MEGF9: variants seen among roughly 807,000 people sequenced by gnomAD.
MEGF9 encodes multiple epidermal growth factor-like domains protein 9.
A neutral mutation model predicts 46.8 loss-of-function variants in MEGF9; 6 were observed. The observed-to-expected ratio is 0.13, with a 90% confidence interval of 0.07 to 0.25. The LOEUF (loss-of-function observed/expected upper bound fraction) is 0.25. Among genes scored for constraint, MEGF9 ranks in the 10% least tolerant of loss-of-function variants. The pLI is 1.00. For missense variants in MEGF9, 683 were observed against 792.4 expected (o/e 0.86, Z 1.66); for synonymous variants, 302 against 330.7 (o/e 0.91, Z 0.94).
At chr9:120,691,467 C>A (rs184724281) in intron 1 of MEGF9, 44 of 469,004 alleles carry the variant, frequency 9.4e-5, no homozygotes, top group African/African-American at 7.7e-4. Context: ...CCACAGGCCA[C>A]TGATGCCCTG....
intron 1 of MEGF9, among the ~76,000 whole-genome samples, chr9:120,689,530 T>C (rs2043838977): frequency 6.6e-6 from 1 of 152,102 alleles, no homozygotes; most frequent in Middle Eastern, 3.2e-3. Context: ...AAGAGACTTT[T>C]TAGCAGCCTG....
intron 2 of MEGF9, among the ~76,000 whole-genome samples, chr9:120,642,863 G>T (rs1481874410): frequency 6.6e-6 from 1 of 152,216 alleles, no homozygotes; most frequent in Non-Finnish European, 1.5e-5. Context: ...TTGGCAATGT[G>T]AGAAACATGC....
At chr9:120,645,517 T>C (rs937109043) in intron 2 of MEGF9, among the ~76,000 whole-genome samples, 3 of 152,190 alleles carry the variant, frequency 2.0e-5, no homozygotes, top group Non-Finnish European at 4.4e-5. Flanking sequence ...GTAGGATTAG[T>C]GAACTGATCA....
intron 2 of MEGF9, among the ~76,000 whole-genome samples, chr9:120,631,951 T>TG (rs2043552560): frequency 6.6e-6 from 1 of 151,204 alleles, no homozygotes; most frequent in Non-Finnish European, 1.5e-5. Context: ...TTTTTTGAGA[T>TG]GGAGTCTCAC....
intron 2 of MEGF9, among the ~76,000 whole-genome samples, chr9:120,658,613 T>A (rs1018621214): frequency 6.6e-6 from 1 of 152,112 alleles, no homozygotes; most frequent in Non-Finnish European, 1.5e-5. Flanking sequence ...AGATCTTGGG[T>A]TATACCCAGG....
intron 2 of MEGF9, among the ~76,000 whole-genome samples, chr9:120,638,276 G>A (rs143246805): frequency 3.9e-5 from 6 of 152,294 alleles, no homozygotes; most frequent in Non-Finnish European, 7.3e-5. Context: ...ACAGGCATGG[G>A]CCACCACACC....
At chr9:120,637,437 T>TA (rs1177150963) in intron 2 of MEGF9, among the ~76,000 whole-genome samples, 5 of 147,762 alleles carry the variant, frequency 3.4e-5, no homozygotes, top group Admixed American at 6.8e-5. Flanking sequence ...AAAAAAAGTT[T>TA]AAAAAAAAAG....
At chr9:120,665,931 C>T (rs945509210) in intron 1 of MEGF9, among the ~76,000 whole-genome samples, 1 of 152,034 alleles carries the variant, frequency 6.6e-6, no homozygotes, top group Non-Finnish European at 1.5e-5. Context: ...TTTCTGGATT[C>T]TCTGTTCTGT....
At chr9:120,622,517 C>A in intron 3 of MEGF9, 99 bp downstream of exon 3, 1 of 1,304,720 alleles carries the variant, frequency 7.7e-7, no homozygotes, top group Non-Finnish European at 1.0e-6. Flanking sequence ...GATAAAGGCC[C>A]TTCCAAACTA....
chr9:120,609,615 CCTAT>C (rs1266032626), intron 4 of MEGF9, among the ~76,000 whole-genome samples: 3 of 152,108 alleles, frequency 2.0e-5, no homozygotes, highest in East Asian at 1.9e-4. Context: ...ACAACTCATA[CCTAT>C]CTGTTTCCTT....
intron 1 of MEGF9, among the ~76,000 whole-genome samples, chr9:120,673,339 T>C (rs1280407186): frequency 6.6e-6 from 1 of 152,062 alleles, no homozygotes; most frequent in Non-Finnish European, 1.5e-5. Flanking sequence ...GATTCTAAAA[T>C]ATATGTGAAA....
At chr9:120,711,704 T>A (rs1048438442) in intron 1 of MEGF9, among the ~76,000 whole-genome samples, 2 of 152,138 alleles carry the variant, frequency 1.3e-5, no homozygotes, top group Admixed American at 6.5e-5. Context: ...AAGTAAGTGA[T>A]CTTTCTACTT....
At position 120,662,233 on chromosome 9, in the gene MEGF9, T is replaced by C. The variant is rs1283566673; in HGVS notation, c.602-2658A>G. Among the ~76,000 whole-genome samples the C allele has an allele frequency of 2.6e-5, 4 of 152,358 alleles. No homozygotes were observed. The East Asian group carries it at 5.8e-4, about 22-fold the overall frequency. On this transcript the variant is annotated intron_variant, in intron 1 of 5. Coordinates refer to ENST00000373930, the MANE Select transcript of MEGF9 (RefSeq NM_001080497.3). Reference sequence around the variant, plus strand: ...AAGTTCACTGGTTATTTATTATTTCTATAGTCAGTCTAATATCTTCATTAT... The same window carrying C: ...AAGTTCACTGGTTATTTATTATTTCCATAGTCAGTCTAATATCTTCATTAT...
At chr9:120,656,673 G>A (rs1039888414) in intron 2 of MEGF9, among the ~76,000 whole-genome samples, 1 of 151,838 alleles carries the variant, frequency 6.6e-6, no homozygotes, top group Non-Finnish European at 1.5e-5. Context: ...TCTAGCAATT[G>A]CAGCTTAGAA....
At chr9:120,615,298 TACACAC>T (rs747662443) in intron 3 of MEGF9, among the ~76,000 whole-genome samples, 1 of 146,100 alleles carries the variant, frequency 6.8e-6, no homozygotes, top group Non-Finnish European at 1.5e-5. Flanking sequence ...CATGTGTGTG[TACACAC>T]ACACACACAT....
intron 4 of MEGF9, among the ~76,000 whole-genome samples, chr9:120,611,801 A>G (rs2043446322): frequency 6.8e-6 from 1 of 147,806 alleles, no homozygotes; most frequent in South Asian, 2.1e-4. Context: ...AAAAGAAAGG[A>G]AAGAAAGAAA....
At chr9:120,651,988 A>T (rs1393893115) in intron 2 of MEGF9, among the ~76,000 whole-genome samples, 1 of 151,552 alleles carries the variant, frequency 6.6e-6, no homozygotes. Context: ...GAAGACAATA[A>T]GAGAATTTCT....
chr9:120,609,094 G>A (rs1364186158), intron 4 of MEGF9, among the ~76,000 whole-genome samples: 1 of 152,166 alleles, frequency 6.6e-6, no homozygotes, highest in Non-Finnish European at 1.5e-5. Context: ...AGGATTAAGT[G>A]AAAACGTAAT....
intron 2 of MEGF9, among the ~76,000 whole-genome samples, chr9:120,632,405 T>C (rs1360664790): frequency 6.6e-6 from 1 of 151,962 alleles, no homozygotes; most frequent in Non-Finnish European, 1.5e-5. Context: ...ACTATTTCAC[T>C]GTTGCTGTGT....
Sources: allele counts gnomAD v4.1 joint callset (sites outside exome capture counted in the v4.1 genomes callset), GRCh38; gene constraint gnomAD v4.1.1; transcripts MANE v1.5; gene names NCBI Gene and HGNC (gene_info 2026-07-23, HGNC 2026-07-21).